QTMAN: variants seen among roughly 807,000 people sequenced by gnomAD.
QTMAN encodes queuosine-tRNA mannosyltransferase, also known as tRNA-queuosine alpha-mannosyltransferase.
the QTMAN span, among the ~76,000 whole-genome samples, chr2:144,117,186 C>T: frequency 0.011 from 1,733 of 152,312 alleles, 36 homozygotes; most frequent in African/African-American, 0.038. Flanking sequence ...AGCAAATGTT[C>T]TTCACTCCGA....
At chr2:144,021,527 C>T in the QTMAN span, among the ~76,000 whole-genome samples, 3 of 151,976 alleles carry the variant, frequency 2.0e-5, no homozygotes, top group African/African-American at 2.4e-5. Context: ...ATAGAACAAA[C>T]GGGAGCAAGA....
chr2:144,063,150 A>G, the QTMAN span, among the ~76,000 whole-genome samples: 1 of 152,224 alleles, frequency 6.6e-6, no homozygotes, highest in Non-Finnish European at 1.5e-5. Context: ...TCTAGCATGC[A>G]GAAAAACTAA....
At chr2:144,276,995 A>G in the QTMAN span, among the ~76,000 whole-genome samples, 1 of 152,222 alleles carries the variant, frequency 6.6e-6, no homozygotes, top group African/African-American at 2.4e-5. Context: ...AAGATGTGGC[A>G]CACAGTGAAC....
the QTMAN span, among the ~76,000 whole-genome samples, chr2:144,198,515 C>G: frequency 6.6e-6 from 1 of 152,080 alleles, no homozygotes; most frequent in Non-Finnish European, 1.5e-5. Flanking sequence ...TGGGAGTGAT[C>G]CATATGGTAA....
At chr2:144,005,636 A>G in the QTMAN span, 19 of 152,264 alleles carry the variant, frequency 1.2e-4, no homozygotes, top group African/African-American at 4.6e-4. Flanking sequence ...AATTAAAAAT[A>G]ATTTAGCTTT....
At chr2:143,951,836 T>C in the QTMAN span, 1 of 562,476 alleles carries the variant, frequency 1.8e-6, no homozygotes. Flanking sequence ...TCCAGTTTAA[T>C]TAATCCTTGT....
the QTMAN span, chr2:143,941,877 T>G: frequency 3.9e-5 from 6 of 152,164 alleles, no homozygotes; most frequent in Non-Finnish European, 7.4e-5. Flanking sequence ...GTGACAATGA[T>G]AACATCCCAT....
the QTMAN span, among the ~76,000 whole-genome samples, chr2:144,159,884 T>C: frequency 6.6e-6 from 1 of 152,222 alleles, no homozygotes; most frequent in South Asian, 2.1e-4. Flanking sequence ...AATGCAAGGC[T>C]TACAAGTGAG....
the QTMAN span, among the ~76,000 whole-genome samples, chr2:144,015,773 A>G: frequency 6.6e-6 from 1 of 152,206 alleles, no homozygotes; most frequent in Admixed American, 6.5e-5. Flanking sequence ...CTCAAGCAAC[A>G]GGTTATGTTG....
At chr2:143,955,107 G>C in the QTMAN span, among the ~76,000 whole-genome samples, 1 of 152,096 alleles carries the variant, frequency 6.6e-6, no homozygotes, top group Non-Finnish European at 1.5e-5. Context: ...ATTTTTTACT[G>C]TAATGAGGAT....
the QTMAN span, among the ~76,000 whole-genome samples, chr2:144,047,200 G>C: frequency 6.6e-6 from 1 of 152,274 alleles, no homozygotes; most frequent in Non-Finnish European, 1.5e-5. Flanking sequence ...GAGCCCAAGA[G>C]GTGGAGGTTG....
At chr2:144,308,885 T>C in the QTMAN span, among the ~76,000 whole-genome samples, 2 of 152,160 alleles carry the variant, frequency 1.3e-5, no homozygotes, top group Admixed American at 1.3e-4. Context: ...AGAACTTGTA[T>C]CTAGATATAC....
chr2:144,136,470 G>A, the QTMAN span, among the ~76,000 whole-genome samples: 2 of 150,942 alleles, frequency 1.3e-5, no homozygotes, highest in East Asian at 1.9e-4. Flanking sequence ...GAAGGAGAAA[G>A]GAGAAAAGAG....
chr2:144,098,646 C>A, the QTMAN span, among the ~76,000 whole-genome samples: 1 of 150,986 alleles, frequency 6.6e-6, no homozygotes, highest in Non-Finnish European at 1.5e-5. Context: ...ACCTGGGAGG[C>A]GGACGTTGCA....
At chr2:144,202,975 GGTAAGAATAAA>G in the QTMAN span, among the ~76,000 whole-genome samples, 1 of 152,148 alleles carries the variant, frequency 6.6e-6, no homozygotes, top group Non-Finnish European at 1.5e-5. Context: ...GGCAACCTGT[GGTAAGAATAAA>G]CTATAAACTC....
At chr2:144,175,258 A>G in the QTMAN span, among the ~76,000 whole-genome samples, 1 of 152,232 alleles carries the variant, frequency 6.6e-6, no homozygotes, top group Admixed American at 6.5e-5. Flanking sequence ...CACTCTGTTC[A>G]TTAGATAGAA....
chr2:144,241,095 G>T, the QTMAN span, among the ~76,000 whole-genome samples: 4 of 152,210 alleles, frequency 2.6e-5, no homozygotes, highest in African/African-American at 9.7e-5. Context: ...TGAGAAATAT[G>T]CCAGAAAGCA....
chr2:144,108,641 TAA>T, the QTMAN span, among the ~76,000 whole-genome samples: 13 of 133,634 alleles, frequency 9.7e-5, no homozygotes, highest in Non-Finnish European at 8.2e-5. Context: ...CTGTCTCAAT[TAA>T]AAAAAAAAAA....
At chr2:144,057,182 A>G in the QTMAN span, among the ~76,000 whole-genome samples, 5 of 152,352 alleles carry the variant, frequency 3.3e-5, no homozygotes, top group South Asian at 1.0e-3. Context: ...GTTGTCACTT[A>G]AGGCAAATTA....
Sources: allele counts gnomAD v4.1 joint callset (sites outside exome capture counted in the v4.1 genomes callset), GRCh38; gene constraint gnomAD v4.1.1; transcripts MANE v1.5; gene names NCBI Gene and HGNC (gene_info 2026-07-23, HGNC 2026-07-21).